The following EPB41L3 variants were observed in gnomAD, a reference collection of about 807,000 sequenced individuals.
EPB41L3 encodes the protein band 4.1-like protein 3.
Under a neutral mutation model 127.1 loss-of-function variants are expected in EPB41L3, and 57 were observed. The observed-to-expected ratio is 0.45, with a 90% confidence interval of 0.36 to 0.56. EPB41L3 has a LOEUF of 0.56. Ranked by LOEUF, EPB41L3 falls within the 20% of genes least tolerant of loss-of-function variation. The pLI is 0.00. For missense variants in EPB41L3, 1,273 were observed against 1,372.2 expected, an observed-to-expected ratio of 0.93 and a Z score of 1.14; for synonymous variants, 572 against 549.5, an observed-to-expected ratio of 1.04 and a Z score of -0.57.
chr18:5,490,689 A>G (rs558298700), intron 1 of EPB41L3, among the ~76,000 whole-genome samples: 91 of 152,330 alleles, frequency 6.0e-4, no homozygotes, highest in Middle Eastern at 6.8e-3. Context: ...ATTTTCGAGC[A>G]AATCTTAAAA....
At chr18:5,407,170 G>A (rs1413721324) in intron 15 of EPB41L3, 5 of 579,354 alleles carry the variant, frequency 8.6e-6, no homozygotes, top group African/African-American at 3.7e-5. Flanking sequence ...AAAAAATCTA[G>A]TTCACACAAA....
chr18:5,412,603 T>C (rs1376078553), intron 13 of EPB41L3, among the ~76,000 whole-genome samples: 1 of 152,192 alleles, frequency 6.6e-6, no homozygotes, highest in Admixed American at 6.5e-5. Context: ...TCTCCTCCTA[T>C]TTAGCTTATT....
intron 6 of EPB41L3, among the ~76,000 whole-genome samples, chr18:5,434,660 C>T (rs535989956): frequency 2.8e-4 from 43 of 152,190 alleles, no homozygotes; most frequent in Non-Finnish European, 5.6e-4. Flanking sequence ...TAACACATTA[C>T]TCACGCCTTT....
intron 3 of EPB41L3, among the ~76,000 whole-genome samples, chr18:5,462,519 G>A (rs11081198): frequency 0.33 from 49,584 of 151,974 alleles, 8,437 homozygotes; most frequent in East Asian, 0.47. Flanking sequence ...ACTGTTTGAT[G>A]GACCCTCATA....
At chr18:5,419,614 T>A in intron 12 of EPB41L3, 97 bp downstream of exon 12, 1 of 1,511,804 alleles carries the variant, frequency 6.6e-7, no homozygotes, top group Non-Finnish European at 9.0e-7. Flanking sequence ...ATATGATTTA[T>A]CCTAAATCTG....
chr18:5,572,497 A>G (rs1364617316), intron 3 of EPB41L3, among the ~76,000 whole-genome samples: 3 of 152,170 alleles, frequency 2.0e-5, no homozygotes, highest in African/African-American at 7.2e-5. Flanking sequence ...ACAACAAACA[A>G]AACAGTCACA....
intron 3 of EPB41L3, chr18:5,467,345 A>T (rs1374099491): frequency 6.6e-6 from 1 of 151,592 alleles, no homozygotes; most frequent in Non-Finnish European, 1.5e-5. Context: ...ATTTTTAGAA[A>T]TTAGGTTTAA....
intron 16 of EPB41L3, 127 bp downstream of exon 16, chr18:5,406,650 C>T: frequency 1.2e-6 from 1 of 832,132 alleles, no homozygotes. Flanking sequence ...AGCATCTCAG[C>T]TCAGGTTAAA....
intron 3 of EPB41L3, among the ~76,000 whole-genome samples, chr18:5,597,607 G>A (rs956424623): frequency 6.6e-6 from 1 of 152,070 alleles, no homozygotes. Context: ...ACCCACCTTT[G>A]TTCTATTTTG....
At chr18:5,537,202 T>TGG (rs1328327321) in intron 1 of EPB41L3, among the ~76,000 whole-genome samples, 3 of 152,206 alleles carry the variant, frequency 2.0e-5, no homozygotes, top group African/African-American at 7.2e-5. Context: ...ATAATGACAT[T>TGG]GCCTTTTTTG....
intron 2 of EPB41L3, among the ~76,000 whole-genome samples, chr18:5,486,301 A>G (rs151150502): frequency 2.0e-4 from 30 of 152,136 alleles, no homozygotes; most frequent in African/African-American, 7.2e-4. Context: ...ATGAAATTAG[A>G]CCCCTATTTC....
intron 2 of EPB41L3, among the ~76,000 whole-genome samples, chr18:5,483,813 G>A (rs187408607): frequency 1.3e-5 from 2 of 151,690 alleles, no homozygotes; most frequent in African/African-American, 4.8e-5. Flanking sequence ...GAGTTCCCAA[G>A]TATATAAAAC....
chr18:5,552,708 A>G (rs1222698729), intron 3 of EPB41L3, among the ~76,000 whole-genome samples: 2 of 151,708 alleles, frequency 1.3e-5, no homozygotes, highest in African/African-American at 2.4e-5. Context: ...TTTACAAGCT[A>G]TTGTTCCAGT....
intron 3 of EPB41L3, among the ~76,000 whole-genome samples, chr18:5,450,471 G>C (rs953766744): frequency 1.3e-5 from 2 of 151,430 alleles, no homozygotes; most frequent in South Asian, 2.1e-4. Flanking sequence ...AAACTGGGGG[G>C]GGTGAGGGGA....
chr18:5,625,978 A>C (rs1479020077), intron 1 of EPB41L3, among the ~76,000 whole-genome samples: 4 of 149,332 alleles, frequency 2.7e-5, no homozygotes, highest in Non-Finnish European at 3.0e-5. Flanking sequence ...TCTTTTCTCC[A>C]TTCTGATCTT....
intron 3 of EPB41L3, among the ~76,000 whole-genome samples, chr18:5,559,746 AAAATCCTACG>A (rs141998410): frequency 0.1 from 15,601 of 152,206 alleles, 831 homozygotes; most frequent in Middle Eastern, 0.13. Flanking sequence ...TCCTTAGAAA[AAAATCCTACG>A]AAAGCTAAAC....
At chr18:5,394,943 G>A (rs2073098316) in intron 21 of EPB41L3, 124 bp downstream of exon 21, 2 of 1,221,662 alleles carry the variant, frequency 1.6e-6, no homozygotes, top group Non-Finnish European at 2.4e-6. Flanking sequence ...ATCATATATT[G>A]GAAAGTTAAT....
intron 8 of EPB41L3, among the ~76,000 whole-genome samples, chr18:5,432,044 G>A (rs1158751666): frequency 6.6e-6 from 1 of 152,178 alleles, no homozygotes; most frequent in Non-Finnish European, 1.5e-5. Flanking sequence ...GATTTTGCTA[G>A]TGCTCAGGCC....
chr18:5,509,868 C>T (rs891853670), intron 1 of EPB41L3, among the ~76,000 whole-genome samples: 3 of 152,150 alleles, frequency 2.0e-5, no homozygotes, highest in African/African-American at 4.8e-5. Context: ...ACAAGTTACA[C>T]ATGACAATCA....
Sources: allele counts gnomAD v4.1 joint callset (sites outside exome capture counted in the v4.1 genomes callset), GRCh38; gene constraint gnomAD v4.1.1; transcripts MANE v1.5; gene names NCBI Gene and HGNC (gene_info 2026-07-23, HGNC 2026-07-21).